The following CLCN2 variants were observed in gnomAD, a reference collection of about 807,000 sequenced individuals.
CLCN2 encodes the protein chloride voltage-gated channel 2, also known as chloride channel protein 2.
A neutral mutation model predicts 108.3 loss-of-function variants in CLCN2; 72 were observed. The ratio of observed to expected loss-of-function variants is 0.66; its 90% CI spans 0.55 to 0.81. CLCN2 has a LOEUF of 0.81. CLCN2 is among the 30% of genes least tolerant of loss of function. CLCN2 has a pLI of 0.00. For synonymous variants in CLCN2, 471 were observed against 467.1 expected (o/e 1.01, Z -0.11); for missense variants, 1,048 against 1,205.2 (o/e 0.87, Z 1.93).
chr3:184,347,203 G>T, intron 22 of CLCN2, 182 bp from the exon 23 acceptor site: 1 of 671,046 alleles, frequency 1.5e-6, no homozygotes, highest in Non-Finnish European at 2.7e-6. Context: ...GAATGTTTCT[G>T]TGTCCAGGCC....
chr3:184,358,387 C>T, intron 3 of CLCN2, 77 bp from the exon 4 acceptor site: 3 of 1,594,798 alleles, frequency 1.9e-6, no homozygotes, highest in African/African-American at 1.3e-5. Flanking sequence ...GCTGATACGA[C>T]AGGCTGTCCC....
chr3:184,347,319 C>T, intron 22 of CLCN2: 1 of 454,174 alleles, frequency 2.2e-6, no homozygotes, highest in Non-Finnish European at 4.1e-6. Context: ...TGGGACAGAA[C>T]AACTGTTCAC....
chr3:184,352,303 C>T lies in CLCN2; in HGVS notation c.2300G>A (p.Ser767Asn). Residue 767 changes from serine to asparagine, a missense_variant, in exon 21 of 24, where the codon AGC becomes AAC. Transcript: ENST00000265593. ...ASDADLEGEM[S>N]PEEILEWEEQ... ...CCAGTGGCACCTTACCTCTTCAGGGCTCATCTCGCCTTCCAGGTCCGCGTC... is the reference window on the plus strand; with the variant it reads ...CCAGTGGCACCTTACCTCTTCAGGGTTCATCTCGCCTTCCAGGTCCGCGTC... 11 of 1,613,574 alleles carry T rather than the reference C, an allele frequency of 6.8e-6. No individual in the cohort carries two copies. Among genetic ancestry groups the T allele is most frequent in the Non-Finnish European group, 9.3e-6 (11 of 1,180,024 alleles).
In CLCN2 at chr3:184,357,366, A is replaced by G. The variant is rs749678681; in HGVS notation, c.894T>C (p.Asp298=). The change falls in exon 8 of 24, where the codon GAT becomes GAC. Residue 298 remains aspartate, a synonymous_variant. Transcript: ENST00000265593. ...IFRVLAVWNR[D]EETITALFKT... ...TCATCCCCTGGGTGCCCCCACCTTC[A>G]TCCCGGTTCCAGACTGCCAAGACCC... The G allele has an allele frequency of 6.2e-7, 1 of 1,613,920 alleles. No individual in the cohort carries two copies. Among genetic ancestry groups the G allele is most frequent in the Non-Finnish European group, 8.5e-7 (1 of 1,180,000 alleles).
intron 19 of CLCN2, 67 bp downstream of exon 19, chr3:184,352,670 G>A (rs746787250): frequency 2.6e-5 from 41 of 1,548,794 alleles, no homozygotes; most frequent in East Asian, 9.0e-5. Context: ...GGTTAATGAC[G>A]TGGTCTCAGC....
At position 184,354,673 on chromosome 3, in the gene CLCN2, G is replaced by C. The variant is rs778976747; in HGVS notation, c.1397-15C>G. On this transcript the variant is annotated splice_polypyrimidine_tract_variant and intron_variant, in intron 13 of 23. Coordinates refer to ENST00000265593, the MANE Select transcript of CLCN2 (RefSeq NM_004366.6). The stretch of plus-strand genomic sequence containing the variant: ...AAATGCTGCTCCTTCAGGGAGGGGG[G>C]TGGGAAGAGAAAGAGGCAGTGGAGG... 1.8e-6 allele frequency: 2 copies of C among 1,139,762 alleles called. No individual in the cohort carries two copies. Among genetic ancestry groups the C allele is most frequent in the Admixed American group, 1.8e-5 (1 of 54,366 alleles). The allele number at this position is 1,139,762 out of a possible 1,614,324, so 70.6% of individuals were successfully genotyped here.
chr3:184,353,150 G>A lies in CLCN2; in HGVS notation c.2029-3C>T. The A allele has an allele frequency of 6.2e-7, 1 of 1,614,020 alleles. No homozygotes were observed. The highest frequency in any genetic ancestry group is 2.2e-5 in the East Asian group (1 of 44,874). On this transcript the variant is annotated splice_region_variant and splice_polypyrimidine_tract_variant and intron_variant, in intron 17 of 23. Transcript: ENST00000265593. ...AAGGCTGAGTCTTCTGTGTTCACCT[G>A]CATAGGCAGGAAGGGGCTGGTGAGG...
At position 184,361,326 on chromosome 3, in the gene CLCN2, T is replaced by C. The variant is rs1712071422; in HGVS notation, c.63+91A>G. 7.6e-7 allele frequency: 1 copy of C among 1,315,650 alleles called. No homozygotes were observed. The highest frequency in any genetic ancestry group is 1.1e-6 in the Non-Finnish European group (1 of 910,616). The allele number at this position is 1,315,650 out of a possible 1,614,324, so 81.5% of individuals were successfully genotyped here. On this transcript the variant is annotated intron_variant, in intron 1 of 23. Coordinates refer to ENST00000265593, the MANE Select transcript of CLCN2 (RefSeq NM_004366.6). This position sits in a 1 kb window ranked among gnomAD's most constrained non-coding sequence, Gnocchi z 6.6. The stretch of plus-strand genomic sequence containing the variant: ...CCAGCTCAAAATGCTAGGACAGGAT[T>C]AGGGTAGGCCCCTGGTCCTCGCGCT...
At position 184,357,629 on chromosome 3, in the gene CLCN2, G is replaced by A. The variant is rs780789226; in HGVS notation, c.763C>T (p.Pro255Ser). The part of the protein sequence containing the change: ...AVGVGCCFAA[P>S]IGGVLFSIEV... The stretch of plus-strand genomic sequence containing the variant: ...TAGGAGCCCTGCCTACCTCCAATAG[G>A]TGCCGCGAAGCAGCAGCCCACCCCC... The change falls in exon 7 of 24, where the codon CCT becomes TCT. Residue 255 changes from proline (P) to serine (S), a missense_variant. Transcript: ENST00000265593. 2 of 1,613,948 alleles carry A rather than the reference G, an allele frequency of 1.2e-6. No individual in the cohort carries two copies. The highest frequency in any genetic ancestry group is 4.5e-5 in the East Asian group (2 of 44,878).
At chr3:184,353,951 G>C (rs1728332285) in intron 15 of CLCN2, 150 bp downstream of exon 15, 1 of 1,359,924 alleles carries the variant, frequency 7.4e-7, no homozygotes, top group Non-Finnish European at 1.0e-6. Flanking sequence ...TGAACAGCAG[G>C]GGCCAGCTAC....
At chr3:184,351,306 C>A (rs1355325963) in intron 22 of CLCN2, among the ~76,000 whole-genome samples, 3 of 152,268 alleles carry the variant, frequency 2.0e-5, no homozygotes, top group Middle Eastern at 6.8e-3. Context: ...CTGCTGGTCC[C>A]AGGAGCCATT....
chr3:184,359,150 T>A lies in CLCN2; in HGVS notation c.64-19A>T. 6.2e-7 allele frequency: 1 copy of A among 1,613,484 alleles called. No homozygotes were observed. Among genetic ancestry groups the A allele is most frequent in the South Asian group, 1.1e-5 (1 of 91,090 alleles). On this transcript the variant is annotated intron_variant, in intron 1 of 23. Coordinates refer to ENST00000265593, the MANE Select transcript of CLCN2 (RefSeq NM_004366.6). The stretch of plus-strand genomic sequence containing the variant: ...CATACATCTGGAGCAACAGAGGGGA[T>A]GGGGGCATTCGAGGTCATGGGCTGA...
At position 184,355,736 on chromosome 3, in the gene CLCN2, C is replaced by T. The variant is rs149773402; in HGVS notation, c.1128G>A (p.Thr376=). The change falls in exon 11 of 24, where the codon ACG becomes ACA. Residue 376 remains threonine, a synonymous_variant. Transcript: ENST00000265593. The surrounding 1 kb of genome is among the most constrained non-coding windows in gnomAD (Gnocchi z 6.3). ...GTCCAAAGCCAGGGGGGAAGGTCAGCGTGGAGATGAGCAGGGTCACCAGAG... is the reference window on the plus strand; with the variant it reads ...GTCCAAAGCCAGGGGGGAAGGTCAGTGTGGAGATGAGCAGGGTCACCAGAG... ...FPALVTLLIS[T]LTFPPGFGQF... The T allele has an allele frequency of 1.8e-4, 287 of 1,614,136 alleles. 1 individual carries two copies. The African/African-American group carries it at 3.2e-3, about 18-fold the overall frequency.
chr3:184,355,494 G>A lies in CLCN2; in HGVS notation c.1206C>T (p.Asp402=), dbSNP rs369473211. ...SQKETLVTLF[D]NRTWVRQGLV... ...GGCCCTGGCGGACCCACGTCCGATT[G>A]TCAAACAGGGTGACCAGCGTCTCTT... The change falls in exon 12 of 24, where the codon GAC becomes GAT. Residue 402 remains aspartate (D), a synonymous_variant. Transcript: ENST00000265593. The surrounding 1 kb of genome is among the most constrained non-coding windows in gnomAD (Gnocchi z 6.3). 3.0e-5 allele frequency: 48 copies of A among 1,614,004 alleles called. No homozygotes were observed. Among genetic ancestry groups the A allele is most frequent in the Non-Finnish European group, 3.9e-5 (46 of 1,180,018 alleles).
chr3:184,360,132 G>C (rs1711826120), intron 1 of CLCN2, among the ~76,000 whole-genome samples: 1 of 151,988 alleles, frequency 6.6e-6, no homozygotes, highest in South Asian at 2.1e-4. Flanking sequence ...GAAAGAAGGG[G>C]ATGAGAGAGG....
chr3:184,352,203 C>T (rs1728155586), intron 21 of CLCN2, 86 bp from the exon 22 acceptor site: 23 of 1,601,274 alleles, frequency 1.4e-5, no homozygotes, highest in Non-Finnish European at 1.9e-5. Context: ...CTTTTTCCAA[C>T]CCCGTGGTCC....
intron 1 of CLCN2, among the ~76,000 whole-genome samples, chr3:184,360,743 C>A (rs1050887286): frequency 6.6e-6 from 1 of 152,196 alleles, no homozygotes; most frequent in African/African-American, 2.4e-5. Flanking sequence ...GCCCAGGACC[C>A]CTGCTTCTAA....
chr3:184,346,509 T>C lies in CLCN2; in HGVS notation c.*97A>G. 1.4e-6 allele frequency: 2 copies of C among 1,428,016 alleles called. No individual in the cohort carries two copies. Among genetic ancestry groups the C allele is most frequent in the Non-Finnish European group, 1.9e-6 (2 of 1,027,768 alleles). The allele number at this position is 1,428,016 out of a possible 1,614,324, so 88.5% of individuals were successfully genotyped here. ...GGGGCTGGGGTGCAGCCTCCAGCTG[T>C]AGCTGCCTCCTGCCTTCCGAAGGCA... On this transcript the variant is annotated 3_prime_UTR_variant, in exon 24 of 24. Coordinates refer to ENST00000265593, the MANE Select transcript of CLCN2 (RefSeq NM_004366.6). The surrounding 1 kb of genome is among the most constrained non-coding windows in gnomAD (Gnocchi z 6.0).
At position 184,353,665 on chromosome 3, in the gene CLCN2, G is replaced by A. The variant is rs1011021577; in HGVS notation, c.1852C>T (p.Pro618Ser). The A allele has an allele frequency of 1.9e-6, 3 of 1,612,234 alleles. No homozygotes were observed. The African/African-American group carries it at 4.0e-5, about 22-fold the overall frequency. The part of the protein sequence containing the change: ...KGRMLALVES[P>S]ESMILLGSIE... The stretch of plus-strand genomic sequence containing the variant: ...CTGGGACCCCTCCTGGCCTCACCAG[G>A]GGACTCCACTAGGGCCAGCATTCGG... Residue 618 changes from proline (P) to serine (S), a missense_variant, in exon 16 of 24, where the codon CCT (proline) becomes TCT (serine). By Grantham distance (74) the Pro-to-Ser change is moderately conservative (BLOSUM62 -1). Transcript: ENST00000265593.
Sources: gnomAD v4.1 joint callset for allele counts (sites outside exome capture counted in the v4.1 genomes callset) on GRCh38, gnomAD v4.1.1 for gene constraint, Gnocchi (gnomAD v3.1) non-coding constraint, MANE v1.5 for transcripts, NCBI Gene and HGNC (gene_info 2026-07-23, HGNC 2026-07-21) for gene names.